Variants in SH3BP1 observed in about 807,000 individuals in gnomAD.
The protein encoded by SH3BP1 is SH3 domain binding protein 1, also known as SH3 domain-binding protein 1.
In SH3BP1, 46 loss-of-function variants were observed where a neutral mutation model predicts 69.8. The ratio of observed to expected loss-of-function variants is 0.66; its 90% CI spans 0.52 to 0.84. The LOEUF is 0.84. Ranked by LOEUF, SH3BP1 falls within the 40% of genes least tolerant of loss-of-function variation. The pLI is 0.00. For synonymous variants in SH3BP1, 403 were observed against 378.0 expected (o/e 1.07, Z -0.77); for missense variants, 868 against 930.9 (o/e 0.93, Z 0.88).
Position 37,643,174 on chromosome 22 carries a change from G to A in SH3BP1, c.473G>A (p.Arg158Lys). Residue 158 changes from arginine to lysine, a missense_variant and splice_region_variant, in exon 6 of 18, where the codon AGG (arginine) becomes AAG (lysine). Physicochemically the swap from Arg to Lys is conservative, Grantham distance 26 (BLOSUM62 2). This residue lies in a region of SH3BP1 where 387 missense variants were observed against 447.9 expected (regional missense o/e 0.86). Coordinates refer to ENST00000649765, the MANE Select transcript of SH3BP1 (RefSeq NM_018957.6). ...LVSDWNTLKS[R>K]LSQATKNSGS... is the part of the protein sequence containing the mutation. ...TCCGACTGGAACACACTCAAGAGCA[G>A]GTGGGAGCCCCAGCCGCTCAGGGGG... The A allele has an allele frequency of 1.3e-6, 2 of 1,597,140 alleles. No individual in the cohort carries two copies. Among genetic ancestry groups the A allele is most frequent in the South Asian group, 2.2e-5 (2 of 88,962 alleles).
chr22:37,654,277 G>C (rs1932953472), intron 17 of SH3BP1, among the ~76,000 whole-genome samples: 1 of 152,092 alleles, frequency 6.6e-6, no homozygotes. Context: ...AGTCTTCAAA[G>C]GGCAGTGAAG....
intron 14 of SH3BP1, 110 bp from the exon 15 acceptor site, chr22:37,650,042 A>G: frequency 8.2e-7 from 1 of 1,215,134 alleles, no homozygotes; most frequent in African/African-American, 1.5e-5. Context: ...GCTTTTTGAG[A>G]ACAAGGACTC....
At chr22:37,650,765 C>G (rs1310953706) in intron 16 of SH3BP1, 40 bp downstream of exon 16, 2 of 1,526,812 alleles carry the variant, frequency 1.3e-6, no homozygotes, top group Non-Finnish European at 1.8e-6. Context: ...GTGGTACTCC[C>G]ACAATCAGCC....
intron 16 of SH3BP1, among the ~76,000 whole-genome samples, chr22:37,652,275 A>C (rs1932895584): frequency 6.7e-6 from 1 of 149,826 alleles, no homozygotes; most frequent in Non-Finnish European, 1.5e-5. Flanking sequence ...GCGCCACTGC[A>C]CTCCAACCTG....
rs73422747 is a variant in SH3BP1 at position 37,642,834 on chromosome 22, A to T, written c.285-61A>T. The T allele has an allele frequency of 3.0e-3, 4,715 of 1,591,812 alleles. 140 individuals carry two copies. The African/African-American group carries it at 0.057, about 19-fold the overall frequency. ...AAGTGAGGGAGGAGAGGCCCCACCA[A>T]GTGTTTCCAGTGGAGGTGAGGGCAG... On this transcript the variant is annotated intron_variant, in intron 4 of 17. Coordinates refer to ENST00000649765, the MANE Select transcript of SH3BP1 (RefSeq NM_018957.6).
intron 2 of SH3BP1, 77 bp downstream of exon 2, chr22:37,641,245 C>G (rs1016629708): frequency 4.4e-5 from 67 of 1,520,860 alleles, no homozygotes; most frequent in Non-Finnish European, 5.2e-5. Context: ...GGCGGGGACG[C>G]CAGGTAGGGG....
rs551725102 is a variant in SH3BP1, at chr22:37,651,040, TG to T, written c.1598+316del. Reference sequence around the variant, plus strand: ...CTATAAATACCTTCCAGTTTTGTTTTGTTTTTTTTTTAAGACAGAGTCTCAC... The same window carrying T: ...CTATAAATACCTTCCAGTTTTGTTTTTTTTTTTTTTAAGACAGAGTCTCAC... On this transcript the variant is annotated intron_variant, in intron 16 of 17. Coordinates refer to ENST00000649765, the MANE Select transcript of SH3BP1 (RefSeq NM_018957.6). Among the ~76,000 whole-genome samples the T allele has an allele frequency of 2.6e-5, 4 of 152,148 alleles. No individual in the cohort carries two copies. The South Asian group carries it at 6.2e-4, about 24-fold the overall frequency.
In SH3BP1 at chr22:37,641,458, G is replaced by A. The variant is rs372022824; in HGVS notation, c.187G>A (p.Ala63Thr). The change falls in exon 3 of 18, where the codon GCA (alanine) becomes ACA (threonine). Residue 63 changes from alanine (A) to threonine (T), a missense_variant. By Grantham distance (58) the Ala-to-Thr change is moderately conservative (BLOSUM62 0). This residue lies in a region of SH3BP1 where 387 missense variants were observed against 447.9 expected (regional missense o/e 0.86). Coordinates refer to ENST00000649765, the MANE Select transcript of SH3BP1 (RefSeq NM_018957.6). ...LQACLQGQSGADMDKRVKKLP... is the reference protein window; with the variant it reads ...LQACLQGQSGTDMDKRVKKLP... ...GGCCTGTCTGCAGGGCCAGAGCGGG[G>A]CAGACATGGACAAGCGGGTGGTGAG... 150 of 1,550,940 alleles carry A rather than the reference G, an allele frequency of 9.7e-5. No homozygotes were observed. The highest frequency in any genetic ancestry group is 1.3e-4 in the Non-Finnish European group (146 of 1,147,082).
intron 3 of SH3BP1, 174 bp from the exon 4 acceptor site, chr22:37,642,364 TC>T (rs1932627994): frequency 3.2e-6 from 2 of 619,974 alleles, no homozygotes; most frequent in Non-Finnish European, 5.8e-6. Context: ...AGGGGCTCCA[TC>T]CATGCTCTCA....
intron 13 of SH3BP1, among the ~76,000 whole-genome samples, 156 bp downstream of exon 13, chr22:37,647,677 A>ATT (rs530437741): frequency 1.8e-4 from 26 of 145,564 alleles, no homozygotes; most frequent in African/African-American, 6.5e-4. Flanking sequence ...TATATATATA[A>ATT]TTTTTTTTTT....
intron 1 of SH3BP1, chr22:37,640,785 G>C (rs1932556229): frequency 2.7e-6 from 1 of 363,666 alleles, no homozygotes; most frequent in Non-Finnish European, 5.1e-6. Context: ...ATCCCGGGGT[G>C]GGCTGAGGAT....
Position 37,655,871 on chromosome 22 carries a change from C to T in SH3BP1, c.*187C>T. On this transcript the variant is annotated 3_prime_UTR_variant, in exon 18 of 18. Transcript: ENST00000649765. ...ACAATCCTCTATTTCCTGACCTTTT[C>T]CTCGTCCACCCTGGGCTTGGGGACC... 2 of 1,536,338 alleles carry T rather than the reference C, an allele frequency of 1.3e-6. No individual in the cohort carries two copies. The highest frequency in any genetic ancestry group is 2.4e-5 in the South Asian group (2 of 83,296).
intron 1 of SH3BP1, chr22:37,640,690 C>T (rs1932552401): frequency 5.1e-6 from 1 of 195,012 alleles, no homozygotes; most frequent in Non-Finnish European, 1.1e-5. Flanking sequence ...CCCCTGCCCA[C>T]AGCTGTAGTC....
chr22:37,653,804 C>G lies in SH3BP1; in HGVS notation c.1624C>G (p.Pro542Ala). 6.2e-7 allele frequency: 1 copy of G among 1,613,798 alleles called. No homozygotes were observed. Among genetic ancestry groups the G allele is most frequent in the Non-Finnish European group, 8.5e-7 (1 of 1,179,856 alleles). ...GACAGAGTCTGAGGTGCCTCCCAGA[C>G]CAGCCTCCCCCAAGGTCACCAGGAG... Reference protein sequence around the residue: ...ERTESEVPPRPASPKVTRSPP... With the variant: ...ERTESEVPPRAASPKVTRSPP... The change falls in exon 17 of 18, where the codon CCA becomes GCA. Residue 542 changes from proline to alanine, a missense_variant. Pro to Ala is a conservative substitution (Grantham distance 27). Coordinates refer to ENST00000649765, the MANE Select transcript of SH3BP1 (RefSeq NM_018957.6).
rs1456547990 is a variant in SH3BP1 at position 37,655,509 on chromosome 22, C to T, written c.1931C>T (p.Pro644Leu). 1.7e-5 allele frequency: 27 copies of T among 1,575,134 alleles called. No homozygotes were observed. The highest frequency in any genetic ancestry group is 2.3e-5 in the East Asian group (1 of 42,586). The change falls in exon 18 of 18, where the codon CCG becomes CTG. Residue 644 changes from proline (P) to leucine (L), a missense_variant. Pro to Leu is a moderately conservative substitution (Grantham distance 98). Around this residue, in one of 3 missense-constraint regions of SH3BP1, gnomAD observed 474 missense variants for 462.3 expected, o/e 1.03. Coordinates refer to ENST00000649765, the MANE Select transcript of SH3BP1 (RefSeq NM_018957.6). The stretch of plus-strand genomic sequence containing the variant: ...CGGCGTTCACCAGCCTCCCCCAGCC[C>T]GGCCTCCCCAGGTCCAGCCTCCCCC... The part of the protein sequence containing the change: ...QSRRSPASPS[P>L]ASPGPASPSP...
rs778850331 is a variant in SH3BP1, at chr22:37,647,249, C to A, written c.1037-18C>A. On this transcript the variant is annotated intron_variant, in intron 11 of 17. Coordinates refer to ENST00000649765, the MANE Select transcript of SH3BP1 (RefSeq NM_018957.6). ...CGGGTGGGGGCTGCCTCTGACCCTC[C>A]CCACACCCCTCCTTCAGGTGCCCTC... 1 of 1,612,798 alleles carries A rather than the reference C, an allele frequency of 6.2e-7. No individual in the cohort carries two copies. The highest frequency in any genetic ancestry group is 1.1e-5 in the South Asian group (1 of 91,056).
In SH3BP1 at chr22:37,642,901, C is replaced by G; in HGVS notation, c.291C>G (p.Ala97=). 1 of 1,612,536 alleles carries G rather than the reference C, an allele frequency of 6.2e-7. No homozygotes were observed. The highest frequency in any genetic ancestry group is 8.5e-7 in the Non-Finnish European group (1 of 1,179,954). ...ELDPDSSMGK[A]LEMSCAIQNQ... ...TGGGGTGCCGTGTCCACAGGAAGGC[C>G]TTGGAGATGAGCTGTGCCATCCAGA... Residue 97 remains alanine, a synonymous_variant, in exon 5 of 18, where the codon GCC becomes GCG. Transcript: ENST00000649765.
At chr22:37,650,790 T>C in intron 16 of SH3BP1, 65 bp downstream of exon 16, 1 of 1,503,420 alleles carries the variant, frequency 6.7e-7, no homozygotes, top group Non-Finnish European at 8.9e-7. Context: ...TGAGGCGCCA[T>C]GTCTCAGAGC....
In SH3BP1 at chr22:37,645,348, C is replaced by A; in HGVS notation, c.779-17C>A. ...GGTGGGAAGGCCCTGGGCCGCTGAT[C>A]TGTTTCATCCCTGCAGACCACTCCC... is the stretch of plus-strand genomic sequence containing the variant. On this transcript the variant is annotated splice_polypyrimidine_tract_variant and intron_variant, in intron 9 of 17. Coordinates refer to ENST00000649765, the MANE Select transcript of SH3BP1 (RefSeq NM_018957.6). 6.3e-7 allele frequency: 1 copy of A among 1,593,370 alleles called. No individual in the cohort carries two copies. The highest frequency in any genetic ancestry group is 8.6e-7 in the Non-Finnish European group (1 of 1,163,922).
Sources: gnomAD v4.1 joint callset for allele counts (sites outside exome capture counted in the v4.1 genomes callset) on GRCh38, gnomAD v4.1.1 for gene constraint, gnomAD v4.1.1 regional missense constraint, MANE v1.5 for transcripts, NCBI Gene and HGNC (gene_info 2026-07-23, HGNC 2026-07-21) for gene names.